ZNF43: variants seen among roughly 807,000 people sequenced by gnomAD.
ZNF43 encodes the protein zinc finger protein 43.
In ZNF43, 44 loss-of-function variants were observed where a neutral mutation model predicts 68.4. The ratio of observed to expected loss-of-function variants is 0.64; its 90% CI spans 0.51 to 0.83. The LOEUF (loss-of-function observed/expected upper bound fraction) is 0.83, where lower values mean the gene tolerates loss of function less well. ZNF43 is among the 40% of genes least tolerant of loss of function. The probability of loss-of-function intolerance (pLI) is 0.00; values close to 1 mark genes in which losing one functional copy is unlikely to be tolerated. For missense variants in ZNF43, 896 were observed against 933.2 expected (o/e 0.96, Z 0.52); for synonymous variants, 308 against 307.8 (o/e 1.00, Z -0.01).
intron 1 of ZNF43, among the ~76,000 whole-genome samples, chr19:21,830,584 G>A (rs1599510116): frequency 1.5e-5 from 2 of 133,608 alleles, no homozygotes; most frequent in African/African-American, 5.7e-5. Context: ...TCCCTGAAGA[G>A]ACCAACAAGA....
chr19:21,808,204 T>C lies in ZNF43; in HGVS notation c.1833A>G (p.Thr611=). Residue 611 remains threonine, a synonymous_variant, in exon 4 of 4, where the codon ACA becomes ACG. Coordinates refer to ENST00000354959, the MANE Select transcript of ZNF43 (RefSeq NM_003423.4). ...KAFTQSSNLT[T]HKKIHTGGKP... is the part of the protein sequence containing the mutation. ...TTCCTCCAGTATGAATTTTTTTATG[T>C]GTAGTAAGGTTTGAAGATTGGGTAA... is the stretch of plus-strand genomic sequence containing the variant. 1 of 1,613,252 alleles carries C rather than the reference T, an allele frequency of 6.2e-7. No individual in the cohort carries two copies. Among genetic ancestry groups the C allele is most frequent in the Non-Finnish European group, 8.5e-7 (1 of 1,179,676 alleles).
intron 1 of ZNF43, among the ~76,000 whole-genome samples, chr19:21,822,993 TAGG>T (rs1352882703): frequency 1.3e-5 from 2 of 152,204 alleles, no homozygotes; most frequent in Non-Finnish European, 1.5e-5. Context: ...TAAGGTTTTC[TAGG>T]AGAATTTATT....
chr19:21,808,505 T>G lies in ZNF43; in HGVS notation c.1532A>C (p.Lys511Thr). The stretch of plus-strand genomic sequence containing the variant: ...AAAAGCTTTGCCACATTCTTCACAT[T>G]TGTAGGGTTTCTTTTCAATGTGAAT... ...KKIHIEKKPY[K>T]CEECGKAFKW... is the part of the protein sequence containing the mutation. The change falls in exon 4 of 4, where the codon AAA (lysine) becomes ACA (threonine). Residue 511 changes from lysine to threonine, a missense_variant. Transcript: ENST00000354959. 1 of 1,613,056 alleles carries G rather than the reference T, an allele frequency of 6.2e-7. No individual in the cohort carries two copies. Among genetic ancestry groups the G allele is most frequent in the Non-Finnish European group, 8.5e-7 (1 of 1,179,752 alleles).
Position 21,809,531 on chromosome 19 carries a change from G to A in ZNF43, c.506C>T (p.Thr169Ile). Reference sequence around the variant, plus strand: ...TTTGCATTTGAAAAGTTTTTTTTCAGTATGGCTTATCTTATGTCTGTTTGA... The same window carrying A: ...TTTGCATTTGAAAAGTTTTTTTTCAATATGGCTTATCTTATGTCTGTTTGA... ...SNSNRHKISH[T>I]EKKLFKCKEC... The change falls in exon 4 of 4, where the codon ACT (threonine) becomes ATT (isoleucine). Residue 169 changes from threonine to isoleucine, a missense_variant. Coordinates refer to ENST00000354959, the MANE Select transcript of ZNF43 (RefSeq NM_003423.4). The A allele has an allele frequency of 1.2e-6, 2 of 1,613,408 alleles. No homozygotes were observed. Among genetic ancestry groups the A allele is most frequent in the South Asian group, 2.2e-5 (2 of 91,048 alleles).
At chr19:21,835,174 G>A (rs1421598218) in intron 1 of ZNF43, among the ~76,000 whole-genome samples, 2 of 146,552 alleles carry the variant, frequency 1.4e-5, no homozygotes, top group African/African-American at 5.0e-5. Flanking sequence ...GCTTGAATCC[G>A]GGAGACGGAG....
chr19:21,812,215 C>T (rs1462432095), intron 3 of ZNF43, among the ~76,000 whole-genome samples: 4 of 152,178 alleles, frequency 2.6e-5, no homozygotes, highest in Non-Finnish European at 5.9e-5. Context: ...CACACTCCAT[C>T]TCCCGGGTTC....
intron 1 of ZNF43, among the ~76,000 whole-genome samples, chr19:21,842,165 C>T (rs1390275582): frequency 6.6e-6 from 1 of 152,002 alleles, no homozygotes; most frequent in Non-Finnish European, 1.5e-5. Context: ...AATCTCAGCA[C>T]TTTGGGAGGC....
intron 1 of ZNF43, among the ~76,000 whole-genome samples, chr19:21,834,941 TAAAAA>T (rs35243760): frequency 3.0e-5 from 4 of 132,120 alleles, no homozygotes; most frequent in South Asian, 4.9e-4. Flanking sequence ...AAATGTACAC[TAAAAA>T]AAAAAAAAAA....
chr19:21,831,918 C>A (rs2038442963), intron 1 of ZNF43, among the ~76,000 whole-genome samples: 1 of 152,266 alleles, frequency 6.6e-6, no homozygotes, highest in South Asian at 2.1e-4. Flanking sequence ...CCCGTTTATG[C>A]TCATGAATAG....
upstream of ZNF43, chr19:21,837,758 G>C (rs1967222218): frequency 6.6e-6 from 1 of 152,162 alleles, no homozygotes; most frequent in African/African-American, 2.4e-5. Context: ...CCAAAGTGCT[G>C]GGATTACAGG....
At chr19:21,820,884 A>C (rs2037804566) in intron 1 of ZNF43, among the ~76,000 whole-genome samples, 1 of 147,136 alleles carries the variant, frequency 6.8e-6, no homozygotes. Flanking sequence ...CCCAGGCTGA[A>C]GTGCAATGGT....
At position 21,820,940 on chromosome 19, in the gene ZNF43, TCTC is replaced by T. The variant is rs2037808754; in HGVS notation, c.4-1722_4-1720del. On this transcript the variant is annotated intron_variant, in intron 1 of 3. Coordinates refer to ENST00000354959, the MANE Select transcript of ZNF43 (RefSeq NM_003423.4). ...CCTCTGCCTCCCAGGTTCAAGCAAT[TCTC>T]CTGCCTCAGCCTCCTGAGTAGCTAG... 3.3e-5 allele frequency among the ~76,000 whole-genome samples: 5 copies of T among 151,252 alleles called. No homozygotes were observed. The South Asian group carries it at 8.4e-4, about 25-fold the overall frequency.
intron 1 of ZNF43, chr19:21,843,225 T>G (rs1967662008): frequency 4.1e-6 from 1 of 241,210 alleles, no homozygotes; most frequent in Admixed American, 6.6e-5. Flanking sequence ...ATGATCTACA[T>G]GCTGGGTCCA....
chr19:21,844,347 C>CAAAAAAAA (rs57500822), intron 1 of ZNF43, among the ~76,000 whole-genome samples: 1 of 43,138 alleles, frequency 2.3e-5, no homozygotes, highest in African/African-American at 5.9e-5. Flanking sequence ...GACTCTGTCT[C>CAAAAAAAA]AAAAAAAAAA....
At chr19:21,846,217 G>T (rs962894106) in intron 1 of ZNF43, among the ~76,000 whole-genome samples, 16 of 151,808 alleles carry the variant, frequency 1.1e-4, no homozygotes, top group African/African-American at 3.4e-4. Context: ...GCTATGAGAG[G>T]AGAGTCACAT....
intron 1 of ZNF43, among the ~76,000 whole-genome samples, chr19:21,822,412 C>A (rs770625623): frequency 7.1e-6 from 1 of 140,476 alleles, no homozygotes; most frequent in Non-Finnish European, 1.6e-5. Flanking sequence ...AGAATCTGAA[C>A]CAAATTATAA....
intron 3 of ZNF43, 30 bp downstream of exon 3, chr19:21,817,858 T>C: frequency 1.3e-6 from 2 of 1,592,900 alleles, no homozygotes; most frequent in Non-Finnish European, 1.7e-6. Context: ...CTCATCTGTG[T>C]TTGTTGTATT....
At chr19:21,829,097 C>T (rs1453903850) in intron 1 of ZNF43, among the ~76,000 whole-genome samples, 1 of 146,206 alleles carries the variant, frequency 6.8e-6, no homozygotes, top group Non-Finnish European at 1.5e-5. Context: ...TGCCTGTAGT[C>T]CCAGCTACTC....
At chr19:21,830,710 T>C (rs1373717895) in intron 1 of ZNF43, among the ~76,000 whole-genome samples, 2 of 149,946 alleles carry the variant, frequency 1.3e-5, no homozygotes, top group Admixed American at 1.3e-4. Flanking sequence ...CCATTCTTAC[T>C]AGAGCCATTC....
Sources: allele counts gnomAD v4.1 joint callset (sites outside exome capture counted in the v4.1 genomes callset), GRCh38; gene constraint gnomAD v4.1.1; transcripts MANE v1.5; gene names NCBI Gene and HGNC (gene_info 2026-07-23, HGNC 2026-07-21).